The following DYNC1I2 variants were observed in gnomAD, a reference collection of about 807,000 sequenced individuals.
DYNC1I2 encodes cytoplasmic dynein 1 intermediate chain 2.
DYNC1I2 carries 53 observed loss-of-function variants against 88.6 expected under a neutral mutation model. The ratio of observed to expected loss-of-function variants is 0.60; its 90% CI spans 0.48 to 0.75. The LOEUF is 0.75. DYNC1I2 is among the 30% of genes least tolerant of loss of function. The probability of loss-of-function intolerance (pLI) is 0.00; values close to 1 mark genes in which losing one functional copy is unlikely to be tolerated. For synonymous variants in DYNC1I2, 198 were observed against 254.6 expected, an observed-to-expected ratio of 0.78 and a Z score of 2.12; for missense variants, 458 against 766.6, an observed-to-expected ratio of 0.60 and a Z score of 4.75.
Position 171,706,558 on chromosome 2 carries a change from T to C in DYNC1I2, c.238T>C (p.Tyr80His). The C allele has an allele frequency of 6.2e-7, 1 of 1,612,344 alleles. No individual in the cohort carries two copies. The highest frequency in any genetic ancestry group is 1.7e-5 in the Admixed American group (1 of 59,938). ...TCTGTACACTTCAGTTTTTTCTGAA[T>C]ACTGGGGTAAGGAAGTTCCCATAAG... Reference protein sequence around the residue: ...TPESPIVFSEYWVPPPMSPSS... With the variant: ...TPESPIVFSEHWVPPPMSPSS... Residue 80 changes from tyrosine (Y) to histidine (H), a missense_variant, in exon 4 of 18, where the codon TAC (tyrosine) becomes CAC (histidine). By Grantham distance (83) the Tyr-to-His change is moderately conservative (BLOSUM62 2). Around this residue, in one of 5 missense-constraint regions of DYNC1I2, gnomAD observed 55 missense variants for 57.1 expected, o/e 0.96. Coordinates refer to ENST00000397119, the MANE Select transcript of DYNC1I2 (RefSeq NM_001378.3).
In DYNC1I2 at chr2:171,729,512, G is replaced by A. The variant is rs374626096; in HGVS notation, c.1392-197G>A. Among the ~76,000 whole-genome samples the A allele has an allele frequency of 8.5e-5, 13 of 152,224 alleles. No individual in the cohort carries two copies. In the East Asian group the frequency reaches 2.5e-3, roughly 29 times the overall value. Reference sequence around the variant, plus strand: ...ACAGCATGATGTTTACAGTTCCAAAGGTACTTATTGCTTTAGTAGAGTTAC... The same window carrying A: ...ACAGCATGATGTTTACAGTTCCAAAAGTACTTATTGCTTTAGTAGAGTTAC... On this transcript the variant is annotated intron_variant, in intron 14 of 17. Transcript: ENST00000397119.
At chr2:171,738,284 A>G in intron 15 of DYNC1I2, among the ~76,000 whole-genome samples, 1 of 152,100 alleles carries the variant, frequency 6.6e-6, no homozygotes, top group South Asian at 2.1e-4. Flanking sequence ...GTGAGCTGAG[A>G]TCGCACCATT....
At chr2:171,734,531 A>G (rs1688872311) in intron 15 of DYNC1I2, among the ~76,000 whole-genome samples, 1 of 152,184 alleles carries the variant, frequency 6.6e-6, no homozygotes, top group South Asian at 2.1e-4. Flanking sequence ...TATTCATTCA[A>G]TTGGGATACA....
chr2:171,728,917 TTATTTAAGTAGAAA>T, intron 14 of DYNC1I2, 67 bp downstream of exon 14: 1 of 1,478,500 alleles, frequency 6.8e-7, no homozygotes, highest in Non-Finnish European at 9.1e-7. Flanking sequence ...ACAAATTGTC[TTATTTAAGTAGAAA>T]TCTGTCGTAG....
At chr2:171,706,398 C>A in intron 3 of DYNC1I2, 149 bp from the exon 4 acceptor site, 1 of 677,160 alleles carries the variant, frequency 1.5e-6, no homozygotes, top group South Asian at 1.8e-5. Context: ...GAAATGTGCA[C>A]GTTCAGCTGT....
Position 171,715,651 on chromosome 2 carries a change from G to A in DYNC1I2, c.511+208G>A, listed in dbSNP as rs538467291. The stretch of plus-strand genomic sequence containing the variant: ...GTTTTAAAACTTATTAGAAGTTAAC[G>A]TTGTAAGCTGTATGTGTGGTTTCTT... On this transcript the variant is annotated intron_variant, in intron 7 of 17. Coordinates refer to ENST00000397119, the MANE Select transcript of DYNC1I2 (RefSeq NM_001378.3). Among the ~76,000 whole-genome samples, 22 of 152,036 alleles carry A rather than the reference G, an allele frequency of 1.4e-4. No homozygotes were observed. The South Asian group carries it at 4.4e-3, about 30-fold the overall frequency.
rs199998711 is a variant in DYNC1I2, at chr2:171,692,744, T to G, written c.109-33T>G. Reference sequence around the variant, plus strand: ...TTGCAAACAAATTTTTCATACTATATGTAAACATAAGTTTTTAACCTAAAC... The same window carrying G: ...TTGCAAACAAATTTTTCATACTATAGGTAAACATAAGTTTTTAACCTAAAC... On this transcript the variant is annotated intron_variant, in intron 2 of 17. Transcript: ENST00000397119. 211 of 1,495,074 alleles carry G rather than the reference T, an allele frequency of 1.4e-4. No individual in the cohort carries two copies. In the Middle Eastern group the frequency reaches 3.5e-3, roughly 25 times the overall value. 92.6% of individuals were successfully genotyped at this position (1,495,074 alleles called of 1,614,324 possible).
At chr2:171,709,187 G>A (rs1686920484) in intron 5 of DYNC1I2, among the ~76,000 whole-genome samples, 1 of 152,020 alleles carries the variant, frequency 6.6e-6, no homozygotes, top group African/African-American at 2.4e-5. Flanking sequence ...CATCGTTCCT[G>A]ATTTTGAATA....
chr2:171,718,437 C>CT (rs992678628), intron 7 of DYNC1I2, among the ~76,000 whole-genome samples: 110 of 148,864 alleles, frequency 7.4e-4, no homozygotes, highest in Admixed American at 3.5e-3. Flanking sequence ...CTCCAAACTT[C>CT]TTTTTTTTTT....
intron 3 of DYNC1I2, among the ~76,000 whole-genome samples, chr2:171,701,200 T>C (rs183094882): frequency 2.6e-5 from 4 of 152,290 alleles, no homozygotes; most frequent in African/African-American, 9.6e-5. Context: ...TTTTCTTTTT[T>C]TTGGAGACGG....
intron 7 of DYNC1I2, among the ~76,000 whole-genome samples, chr2:171,720,710 G>A (rs937871645): frequency 4.6e-5 from 7 of 152,146 alleles, no homozygotes; most frequent in Non-Finnish European, 8.8e-5. Flanking sequence ...AAGCCAGGGC[G>A]ACAGAGTGAG....
chr2:171,713,659 T>C (rs1171746217), intron 6 of DYNC1I2, among the ~76,000 whole-genome samples: 1 of 152,204 alleles, frequency 6.6e-6, no homozygotes, highest in African/African-American at 2.4e-5. Flanking sequence ...TATAAATGTT[T>C]GCTGCTGCCA....
intron 3 of DYNC1I2, among the ~76,000 whole-genome samples, chr2:171,704,345 T>G (rs1161684370): frequency 2.6e-5 from 4 of 151,282 alleles, no homozygotes; most frequent in Non-Finnish European, 5.9e-5. Context: ...TTTTTTTTTT[T>G]CTTTTTTTTT....
At chr2:171,743,343 G>A (rs541951962) in intron 15 of DYNC1I2, among the ~76,000 whole-genome samples, 11 of 152,230 alleles carry the variant, frequency 7.2e-5, no homozygotes, top group African/African-American at 2.4e-4. Context: ...GGTGGCAGAG[G>A]CAGAAGAAAA....
At chr2:171,692,940 T>C in intron 3 of DYNC1I2, 46 bp downstream of exon 3, 1 of 1,383,842 alleles carries the variant, frequency 7.2e-7, no homozygotes, top group Non-Finnish European at 1.0e-6. Flanking sequence ...GCATAGATTC[T>C]GTTCAGCTCA....
Position 171,690,271 on chromosome 2 carries a change from TG to T in DYNC1I2, c.108+9del, listed in dbSNP as rs1350121365. 10 of 1,530,690 alleles carry T rather than the reference TG, an allele frequency of 6.5e-6. No homozygotes were observed. The highest frequency in any genetic ancestry group is 7.9e-6 in the Non-Finnish European group (9 of 1,134,708). 94.8% of individuals were successfully genotyped at this position (1,530,690 alleles called of 1,614,324 possible). ...GAAAGGAAAAAAAAAGAAGTATGTT[TG>T]ATTTTTTTGCTTAAATAAACAACAT... On this transcript the variant is annotated intron_variant, in intron 2 of 17. Transcript: ENST00000397119.
Position 171,706,151 on chromosome 2 carries a change from T to C in DYNC1I2, c.227-396T>C, listed in dbSNP as rs528137695. On this transcript the variant is annotated intron_variant, in intron 3 of 17. Transcript: ENST00000397119. ...ACACAGACTTTTAATTAAATACTTA[T>C]TTCTTTAGTTCCTATATAACTAGGA... Among the ~76,000 whole-genome samples, 14 of 152,238 alleles carry C rather than the reference T, an allele frequency of 9.2e-5. No homozygotes were observed. The East Asian group carries it at 2.3e-3, about 25-fold the overall frequency.
At chr2:171,691,907 T>C (rs1303390934) in intron 2 of DYNC1I2, among the ~76,000 whole-genome samples, 2 of 152,164 alleles carry the variant, frequency 1.3e-5, no homozygotes, top group African/African-American at 4.8e-5. Flanking sequence ...ACTGTGAGTC[T>C]ATTAATATAT....
At chr2:171,706,505 A>T (rs1574536636) in intron 3 of DYNC1I2, 42 bp from the exon 4 acceptor site, 1 of 1,566,098 alleles carries the variant, frequency 6.4e-7, no homozygotes, top group East Asian at 2.2e-5. Context: ...AGAAGGGATT[A>T]AGAATATTTT....
Sources: allele counts gnomAD v4.1 joint callset (sites outside exome capture counted in the v4.1 genomes callset), GRCh38; gene constraint gnomAD v4.1.1; regional missense constraint gnomAD v4.1.1; transcripts MANE v1.5; gene names NCBI Gene and HGNC (gene_info 2026-07-23, HGNC 2026-07-21).